The following GABRB2 variants were observed in gnomAD, a reference collection of about 807,000 sequenced individuals.
The protein encoded by GABRB2 is gamma-aminobutyric acid type A receptor subunit beta2, also known as gamma-aminobutyric acid receptor subunit beta-2.
Under a neutral mutation model 54.7 loss-of-function variants are expected in GABRB2, and 16 were observed. The ratio of observed to expected loss-of-function variants is 0.29; its 90% CI spans 0.20 to 0.44. The LOEUF is 0.44. Among genes scored for constraint, GABRB2 ranks in the 20% least tolerant of loss-of-function variants. GABRB2 has a pLI of 1.00. For synonymous variants in GABRB2, 244 were observed against 233.8 expected (o/e 1.04, Z -0.40); for missense variants, 355 against 644.0 (o/e 0.55, Z 4.86).
chr5:161,304,773 A>G (rs1366640392), intron 9 of GABRB2, among the ~76,000 whole-genome samples: 8 of 152,064 alleles, frequency 5.3e-5, no homozygotes, highest in Non-Finnish European at 1.0e-4. Context: ...GAATTGTTAC[A>G]TTTAATATTA....
At chr5:161,341,381 T>C (rs1754151887) in intron 5 of GABRB2, among the ~76,000 whole-genome samples, 1 of 151,968 alleles carries the variant, frequency 6.6e-6, no homozygotes, top group Non-Finnish European at 1.5e-5. Flanking sequence ...ATTAAACTCA[T>C]CATTTATATT....
chr5:161,523,329 G>A (rs1423575188), intron 3 of GABRB2, among the ~76,000 whole-genome samples: 2 of 151,488 alleles, frequency 1.3e-5, no homozygotes, highest in Non-Finnish European at 3.0e-5. Context: ...AGTTGGAGAA[G>A]TAACAACCAA....
intron 5 of GABRB2, 40 bp from the exon 6 acceptor site, chr5:161,336,809 G>GAAAAAA: frequency 8.1e-7 from 1 of 1,237,162 alleles, no homozygotes; most frequent in Non-Finnish European, 1.0e-6. Flanking sequence ...CACAAATACA[G>GAAAAAA]AAAACAAAAA....
intron 3 of GABRB2, among the ~76,000 whole-genome samples, chr5:161,486,853 A>C (rs1386236228): frequency 6.6e-6 from 1 of 151,914 alleles, no homozygotes; most frequent in Non-Finnish European, 1.5e-5. Flanking sequence ...TACCTCAGAC[A>C]AAGAATTTTG....
At position 161,545,437 on chromosome 5, in the gene GABRB2, TAA is replaced by T. The variant is rs56952727; in HGVS notation, c.170-145_170-144del. On this transcript the variant is annotated intron_variant, in intron 2 of 9. Coordinates refer to ENST00000393959, the MANE Select transcript of GABRB2 (RefSeq NM_001371727.1). The stretch of plus-strand genomic sequence containing the variant: ...TTTTTCAATTCTCTGCTTTTTTTGT[TAA>T]AAAAAAAAAAAAAAAAGGTAGCAGG... 0.098 allele frequency: 31,418 copies of T among 320,620 alleles called. 142 individuals are homozygous for T. The highest frequency in any genetic ancestry group is 0.12 in the East Asian group (2,336 of 19,918). The allele number at this position is 320,620 out of a possible 1,614,324, so 19.9% of individuals were successfully genotyped here.
intron 3 of GABRB2, among the ~76,000 whole-genome samples, chr5:161,504,789 A>G (rs1030723872): frequency 6.6e-6 from 1 of 151,656 alleles, no homozygotes; most frequent in Non-Finnish European, 1.5e-5. Flanking sequence ...CAGATCCGAA[A>G]GGAATTAAAA....
At chr5:161,390,695 A>T (rs1213534087) in intron 5 of GABRB2, among the ~76,000 whole-genome samples, 6 of 152,094 alleles carry the variant, frequency 3.9e-5, no homozygotes, top group Admixed American at 1.3e-4. Context: ...TCAAAATTTT[A>T]AAAAATTTAA....
chr5:161,381,308 A>T (rs1197360485), intron 5 of GABRB2, among the ~76,000 whole-genome samples: 1 of 152,194 alleles, frequency 6.6e-6, no homozygotes, highest in Non-Finnish European at 1.5e-5. Flanking sequence ...TCAGATATTC[A>T]GTGAATGGAA....
intron 4 of GABRB2, among the ~76,000 whole-genome samples, chr5:161,451,641 A>G (rs1757790811): frequency 6.6e-6 from 1 of 152,176 alleles, no homozygotes; most frequent in Non-Finnish European, 1.5e-5. Flanking sequence ...ACCATAAGCC[A>G]TATCCTATAT....
intron 3 of GABRB2, among the ~76,000 whole-genome samples, chr5:161,476,890 C>A (rs1581018237): frequency 6.6e-6 from 1 of 151,822 alleles, no homozygotes; most frequent in Non-Finnish European, 1.5e-5. Context: ...GTAATAATTT[C>A]TTGGATATAA....
intron 6 of GABRB2, among the ~76,000 whole-genome samples, chr5:161,336,233 C>G (rs545591611): frequency 6.6e-6 from 1 of 152,050 alleles, no homozygotes; most frequent in Non-Finnish European, 1.5e-5. Flanking sequence ...GAGAATTTCA[C>G]GTGATCAGAC....
Position 161,289,330 on chromosome 5 carries a change from G to A in GABRB2, c.*4751C>T, listed in dbSNP as rs1202028367. ...TTTTTACAATGTTCCTAGTGCATTTGGAAAATATTTTTTTAAACCTTTGGT... is the reference window on the plus strand; with the variant it reads ...TTTTTACAATGTTCCTAGTGCATTTAGAAAATATTTTTTTAAACCTTTGGT... On this transcript the variant is annotated 3_prime_UTR_variant, in exon 10 of 10. Coordinates refer to ENST00000393959, the MANE Select transcript of GABRB2 (RefSeq NM_001371727.1). 1 of 135,876 alleles carries A rather than the reference G, an allele frequency of 7.4e-6. No homozygotes were observed. The highest frequency in any genetic ancestry group is 1.5e-5 in the Non-Finnish European group (1 of 65,060). 8.4% of individuals were successfully genotyped at this position (135,876 alleles called of 1,614,324 possible).
chr5:161,324,733 A>G (rs926952137), intron 9 of GABRB2, among the ~76,000 whole-genome samples: 2 of 152,158 alleles, frequency 1.3e-5, no homozygotes, highest in African/African-American at 4.8e-5. Flanking sequence ...ACCTTATTTC[A>G]TAGTGTGAAC....
chr5:161,429,817 G>T (rs1044573808), intron 4 of GABRB2, among the ~76,000 whole-genome samples: 2 of 152,108 alleles, frequency 1.3e-5, no homozygotes, highest in Non-Finnish European at 2.9e-5. Flanking sequence ...TGAGGAGTAG[G>T]TTCAACATAA....
intron 5 of GABRB2, among the ~76,000 whole-genome samples, chr5:161,392,400 A>G (rs1755856615): frequency 6.6e-6 from 1 of 152,182 alleles, no homozygotes; most frequent in Admixed American, 6.5e-5. Context: ...TTTTGGTATA[A>G]CGCCTCCATT....
At chr5:161,359,813 T>G (rs557693628) in intron 5 of GABRB2, among the ~76,000 whole-genome samples, 38 of 152,330 alleles carry the variant, frequency 2.5e-4, no homozygotes, top group African/African-American at 8.4e-4. Flanking sequence ...CCGGGTGCGG[T>G]GGCTCATGCT....
At chr5:161,300,574 G>A (rs980585551) in intron 9 of GABRB2, among the ~76,000 whole-genome samples, 5 of 152,092 alleles carry the variant, frequency 3.3e-5, no homozygotes, top group Admixed American at 2.6e-4. Flanking sequence ...AATCAACCAG[G>A]GAAACCTGAC....
At chr5:161,511,748 A>C (rs1759775083) in intron 3 of GABRB2, among the ~76,000 whole-genome samples, 1 of 151,934 alleles carries the variant, frequency 6.6e-6, no homozygotes, top group Non-Finnish European at 1.5e-5. Flanking sequence ...TCCTAGGCTC[A>C]TGGATGATCA....
At chr5:161,436,296 G>A (rs1757306486) in intron 4 of GABRB2, among the ~76,000 whole-genome samples, 1 of 152,158 alleles carries the variant, frequency 6.6e-6, no homozygotes. Context: ...ACTTTGGGAG[G>A]CCAAGGTGGG....
Sources: allele counts gnomAD v4.1 joint callset (sites outside exome capture counted in the v4.1 genomes callset), GRCh38; gene constraint gnomAD v4.1.1; transcripts MANE v1.5; gene names NCBI Gene and HGNC (gene_info 2026-07-23, HGNC 2026-07-21).